Variants in NLRP7 observed in about 807,000 individuals in gnomAD.
NLRP7 encodes the protein NACHT, LRR and PYD domains-containing protein 7.
Under a neutral mutation model 85.5 loss-of-function variants are expected in NLRP7, and 72 were observed. The observed-to-expected ratio is 0.84, with a 90% CI of 0.70 to 1.02. The LOEUF is 1.02. Among genes scored for constraint, NLRP7 ranks in the 50% least tolerant of loss-of-function variants. NLRP7 has a pLI of 0.00. For synonymous variants in NLRP7, 550 were observed against 505.2 expected (o/e 1.09, Z -1.19); for missense variants, 1,243 against 1,219.5 (o/e 1.02, Z -0.29).
chr19:54,941,305 G>T, intron 2 of NLRP7, 130 bp downstream of exon 2: 1 of 723,112 alleles, frequency 1.4e-6, no homozygotes. Context: ...AGAGGCGGAG[G>T]TTGCAGTGAG....
rs568130169 is a variant in NLRP7 at position 54,944,126 on chromosome 19, G to C, written c.-39-2376C>G. ...CTCGTGGGAAGGGAAAGACCAGACC[G>C]TACCCCAGCCCGACACCCGTAAAGG... On this transcript the variant is annotated intron_variant, in intron 1 of 9. Coordinates refer to ENST00000340844, the Ensembl canonical transcript of NLRP7. Among the ~76,000 whole-genome samples the C allele has an allele frequency of 1.1e-3, 163 of 152,108 alleles. 1 individual carries two copies. Among genetic ancestry groups the C allele is most frequent in the Non-Finnish European group, 1.9e-3 (129 of 68,014 alleles).
chr19:54,958,901 C>T (rs1290000682), intron 1 of NLRP7, among the ~76,000 whole-genome samples: 1 of 152,124 alleles, frequency 6.6e-6, no homozygotes, highest in Non-Finnish European at 1.5e-5. Context: ...CTAGGGGATA[C>T]ATAACAGGGG....
At chr19:54,928,630 G>A (rs1215221152) in intron 9 of NLRP7, among the ~76,000 whole-genome samples, 2 of 152,048 alleles carry the variant, frequency 1.3e-5, no homozygotes, top group Non-Finnish European at 2.9e-5. Flanking sequence ...GTCCTCTTTT[G>A]GAAAGTGATA....
In NLRP7 at chr19:54,941,564, C is replaced by G. The variant is rs780351092; in HGVS notation, c.148G>C (p.Asp50His). Reference sequence around the variant, plus strand: ...AGAATTTCTGCCAGTTTCTTGCCATCAGCCTCTTCCACCTCAGACCATGGG... The same window carrying G: ...AGAATTTCTGCCAGTTTCTTGCCATGAGCCTCTTCCACCTCAGACCATGGG... Residue 50 changes from aspartate to histidine, a missense_variant, in exon 2 of 10, where the codon GAT becomes CAT. This residue lies in a region of NLRP7 where 591 missense variants were observed against 563.3 expected (regional missense o/e 1.05). Coordinates refer to ENST00000340844, the Ensembl canonical transcript of NLRP7. 8 of 1,614,006 alleles carry G rather than the reference C, an allele frequency of 5.0e-6. No homozygotes were observed. In the South Asian group the frequency reaches 7.7e-5, roughly 16 times the overall value.
exon 4 of NLRP7, chr19:54,939,945 A>G: frequency 6.2e-7 from 1 of 1,614,090 alleles, no homozygotes; most frequent in South Asian, 1.1e-5. Context: ...GCCCTGGGTA[A>G]CATCTTCCTC....
At chr19:54,925,315 A>G (rs2146136832) in intron 9 of NLRP7, among the ~76,000 whole-genome samples, 2 of 152,268 alleles carry the variant, frequency 1.3e-5, no homozygotes, top group South Asian at 4.1e-4. Context: ...TATTTAGCTC[A>G]AGTTTCATGA....
intron 9 of NLRP7, 23 bp from the exon 11 acceptor site, chr19:54,923,895 A>G: frequency 6.2e-7 from 1 of 1,609,312 alleles, no homozygotes; most frequent in South Asian, 1.1e-5. Flanking sequence ...GAGAACACAA[A>G]TGTTCCCAGA....
upstream of NLRP7, among the ~76,000 whole-genome samples, chr19:54,952,041 C>T (rs996034446): frequency 3.3e-5 from 5 of 152,094 alleles, no homozygotes; most frequent in African/African-American, 7.2e-5. Flanking sequence ...CGTGAGCCAC[C>T]GCGCCCGGCC....
rs576401317 is a variant in NLRP7 at position 54,962,434 on chromosome 19, AT to A, written c.-77+3605del. Among the ~76,000 whole-genome samples, 691 of 150,616 alleles carry A rather than the reference AT, an allele frequency of 4.6e-3. 4 individuals are homozygous for A. Among genetic ancestry groups the A allele is most frequent in the Non-Finnish European group, 7.0e-3 (471 of 67,608 alleles). ...AGGCATCTGCCACTACGCCTGGCTAATTTTTTGTGTATTTTTAGTAGAGATG... is the reference window on the plus strand; with the variant it reads ...AGGCATCTGCCACTACGCCTGGCTAATTTTTGTGTATTTTTAGTAGAGATG... On this transcript the variant is annotated intron_variant, in intron 1 of 2. Coordinates refer to the NLRP7 transcript ENST00000587103.
chr19:54,936,495 A>T, intron 5 of NLRP7, 64 bp from the exon 6 acceptor site: 6 of 1,363,026 alleles, frequency 4.4e-6, no homozygotes, highest in Non-Finnish European at 6.3e-6. Flanking sequence ...GGAGGCATGT[A>T]TAAACAAAAA....
intron 8 of NLRP7, among the ~76,000 whole-genome samples, chr19:54,931,014 C>T (rs552099393): frequency 9.1e-4 from 138 of 152,132 alleles, no homozygotes; most frequent in African/African-American, 3.3e-3. Flanking sequence ...CAGAGCGAGA[C>T]TCCGTCTCAA....
At chr19:54,937,378 G>C (rs1256376381) in intron 5 of NLRP7, among the ~76,000 whole-genome samples, 1 of 150,940 alleles carries the variant, frequency 6.6e-6, no homozygotes, top group Non-Finnish European at 1.5e-5. Flanking sequence ...GTTTGTTTTG[G>C]TAACAAAACA....
rs61747407 is a variant in NLRP7 at position 54,939,339 on chromosome 19, C to T, written c.1480G>A (p.Ala494Thr). 102 of 1,614,010 alleles carry T rather than the reference C, an allele frequency of 6.3e-5. No homozygotes were observed. In the Middle Eastern group the frequency reaches 4.9e-3, roughly 78 times the overall value. ...TTCTGTACGTCCCCGATGTCCCAGG[C>T]GTGGCCGTCCCTGTCCTCCCCCTCC... is the stretch of plus-strand genomic sequence containing the variant. Residue 494 changes from alanine (A) to threonine (T), a missense_variant, in exon 4 of 10, where the codon GCC (alanine) becomes ACC (threonine). By Grantham distance (58) the Ala-to-Thr change is moderately conservative. Around this residue, in one of 3 missense-constraint regions of NLRP7, gnomAD observed 39 missense variants for 67.9 expected, o/e 0.57. Coordinates refer to ENST00000340844, the Ensembl canonical transcript of NLRP7.
At chr19:54,923,999 G>T (rs1358537552) in intron 9 of NLRP7, 127 bp from the exon 11 acceptor site, 13 of 1,009,880 alleles carry the variant, frequency 1.3e-5, no homozygotes, top group Middle Eastern at 2.1e-4. Context: ...ACAGGGTCTT[G>T]CTCTGTTGCC....
chr19:54,927,282 A>G (rs1481175313), intron 9 of NLRP7, among the ~76,000 whole-genome samples: 1 of 146,010 alleles, frequency 6.8e-6, no homozygotes, highest in Admixed American at 6.9e-5. Context: ...TTGGGAGGCC[A>G]AGGTGGGAGA....
At chr19:54,941,777 C>T in intron 1 of NLRP7, 27 bp from the exon 2 acceptor site, 10 of 1,520,906 alleles carry the variant, frequency 6.6e-6, no homozygotes, top group Non-Finnish European at 8.0e-6. Flanking sequence ...AAAAACAGTT[C>T]ACGAGTTACC....
At chr19:54,960,740 C>T (rs573943288) in intron 1 of NLRP7, among the ~76,000 whole-genome samples, 1 of 152,128 alleles carries the variant, frequency 6.6e-6, no homozygotes, top group South Asian at 2.1e-4. Context: ...GGACTACAGG[C>T]ACCCGCCACC....
chr19:54,946,474 C>T (rs894316093), intron 1 of NLRP7, among the ~76,000 whole-genome samples: 2 of 151,346 alleles, frequency 1.3e-5, no homozygotes, highest in Admixed American at 6.6e-5. Context: ...GGATTACAGG[C>T]GTGAGCCACC....
upstream of NLRP7, among the ~76,000 whole-genome samples, chr19:54,951,404 G>A (rs1264785700): frequency 6.6e-6 from 1 of 151,886 alleles, no homozygotes; most frequent in African/African-American, 2.4e-5. Flanking sequence ...AAATTAGCGG[G>A]GCATGGTAGT....
Sources: gnomAD v4.1 joint callset for allele counts (sites outside exome capture counted in the v4.1 genomes callset) on GRCh38, gnomAD v4.1.1 for gene constraint, gnomAD v4.1.1 regional missense constraint, MANE v1.5 for transcripts, NCBI Gene and HGNC (gene_info 2026-07-23, HGNC 2026-07-21) for gene names.